The following S100A8 variants were observed in gnomAD, a reference collection of about 807,000 sequenced individuals.
S100A8 encodes S100 calcium binding protein A8, also known as protein S100-A8.
A neutral mutation model predicts 4.2 loss-of-function variants in S100A8; 1 was observed. The ratio of observed to expected loss-of-function variants is 0.24; its 90% CI spans 0.08 to 1.12. The LOEUF (loss-of-function observed/expected upper bound fraction) is 1.12. Ranked by LOEUF, S100A8 falls within the 50% of genes most tolerant of loss-of-function variation. The pLI is 0.53. For missense variants in S100A8, 96 were observed against 111.8 expected (o/e 0.86, Z 0.64); for synonymous variants, 41 against 44.7 (o/e 0.92, Z 0.33).
chr1:153,398,378 T>C, the S100A8 span, among the ~76,000 whole-genome samples: 2 of 144,890 alleles, frequency 1.4e-5, no homozygotes, highest in African/African-American at 2.5e-5. Flanking sequence ...CACCCCACCC[T>C]ACTCCCACCC....
At chr1:153,407,732 G>T in the S100A8 span, among the ~76,000 whole-genome samples, 4 of 152,216 alleles carry the variant, frequency 2.6e-5, no homozygotes, top group African/African-American at 9.6e-5. Flanking sequence ...GGGGCCAACT[G>T]ACACCTCATA....
the S100A8 span, chr1:153,416,489 C>A: frequency 3.1e-5 from 13 of 421,284 alleles, no homozygotes; most frequent in South Asian, 2.3e-4. Flanking sequence ...CCAGGCTGAG[C>A]CTTATAAAGG....
At chr1:153,404,863 A>G in the S100A8 span, among the ~76,000 whole-genome samples, 2 of 152,102 alleles carry the variant, frequency 1.3e-5, no homozygotes, top group Admixed American at 6.5e-5. Context: ...GGAACCACGA[A>G]GGACCCAGCC....
chr1:153,406,704 T>A, the S100A8 span, among the ~76,000 whole-genome samples: 1 of 152,016 alleles, frequency 6.6e-6, no homozygotes, highest in African/African-American at 2.4e-5. Context: ...CCCAAAACGA[T>A]AGAGGAGATG....
the S100A8 span, among the ~76,000 whole-genome samples, chr1:153,411,326 T>C: frequency 1.3e-5 from 2 of 152,208 alleles, no homozygotes; most frequent in African/African-American, 2.4e-5. Flanking sequence ...AGCATTCTTA[T>C]ACAACAATAA....
chr1:153,402,765 C>A, the S100A8 span, among the ~76,000 whole-genome samples: 2 of 152,042 alleles, frequency 1.3e-5, no homozygotes, highest in African/African-American at 4.8e-5. Context: ...TAGAAATTGA[C>A]AAGTTAACTG....
the S100A8 span, among the ~76,000 whole-genome samples, chr1:153,413,123 G>A: frequency 6.6e-6 from 1 of 152,060 alleles, no homozygotes; most frequent in African/African-American, 2.4e-5. Flanking sequence ...CCCTAGAACT[G>A]AAAGTATAAT....
chr1:153,390,323 A>AG, intron 2 of S100A8, 72 bp downstream of exon 2: 1 of 1,603,528 alleles, frequency 6.2e-7, no homozygotes, highest in South Asian at 1.1e-5. Context: ...GAAGGGTGGC[A>AG]GGGAGGACCG....
At chr1:153,403,838 G>A in the S100A8 span, among the ~76,000 whole-genome samples, 19 of 151,986 alleles carry the variant, frequency 1.3e-4, no homozygotes, top group African/African-American at 4.6e-4. Context: ...GAACACCATC[G>A]GGGTATCGTG....
the S100A8 span, chr1:153,419,324 G>T: frequency 1.4e-4 from 223 of 1,610,032 alleles, 6 homozygotes; most frequent in South Asian, 1.3e-3. Flanking sequence ...GCCCCACCAA[G>T]GGGCCTCCAG....
chr1:153,402,708 A>G, the S100A8 span, among the ~76,000 whole-genome samples: 1 of 152,222 alleles, frequency 6.6e-6, no homozygotes, highest in African/African-American at 2.4e-5. Context: ...AACGTAACCT[A>G]TAGATTCAGT....
chr1:153,393,324 A>G (rs1447001319), upstream of S100A8, among the ~76,000 whole-genome samples: 4 of 152,174 alleles, frequency 2.6e-5, no homozygotes, highest in African/African-American at 7.2e-5. Context: ...TTGCCCTGCT[A>G]TGTTATGATT....
the S100A8 span, among the ~76,000 whole-genome samples, chr1:153,410,048 C>T: frequency 6.6e-6 from 1 of 151,978 alleles, no homozygotes; most frequent in Non-Finnish European, 1.5e-5. Flanking sequence ...AAATTGACAC[C>T]CTAACATCAC....
At chr1:153,407,400 G>A in the S100A8 span, among the ~76,000 whole-genome samples, 7 of 152,288 alleles carry the variant, frequency 4.6e-5, no homozygotes, top group South Asian at 4.1e-4. Flanking sequence ...CAAACTGCAC[G>A]GCGGCAGTGA....
the S100A8 span, among the ~76,000 whole-genome samples, chr1:153,398,935 C>T: frequency 2.0e-5 from 3 of 152,216 alleles, no homozygotes; most frequent in Admixed American, 6.5e-5. Flanking sequence ...CCTACACCCG[C>T]CTTGGGCCAC....
chr1:153,396,005 G>A (rs549227273), upstream of S100A8, among the ~76,000 whole-genome samples: 199 of 152,358 alleles, frequency 1.3e-3, 1 homozygote, highest in African/African-American at 4.4e-3. Context: ...TACCACCTGT[G>A]TGGTGGGTGA....
At chr1:153,394,363 G>T (rs560432799), upstream of S100A8, among the ~76,000 whole-genome samples, 1 of 152,248 alleles carries the variant, frequency 6.6e-6, no homozygotes, top group East Asian at 1.9e-4. Flanking sequence ...TTCTCCCCTG[G>T]GCCTGCAAGA....
the S100A8 span, among the ~76,000 whole-genome samples, chr1:153,412,654 A>G: frequency 6.6e-6 from 1 of 152,360 alleles, no homozygotes; most frequent in African/African-American, 2.4e-5. Flanking sequence ...AAGGGATTAT[A>G]AATCATGCTG....
At chr1:153,403,717 T>C in the S100A8 span, among the ~76,000 whole-genome samples, 1 of 152,208 alleles carries the variant, frequency 6.6e-6, no homozygotes, top group Non-Finnish European at 1.5e-5. Flanking sequence ...AATAGCTACA[T>C]TATATGGAAT....
Sources: allele counts gnomAD v4.1 joint callset (sites outside exome capture counted in the v4.1 genomes callset), GRCh38; gene constraint gnomAD v4.1.1; transcripts MANE v1.5; gene names NCBI Gene and HGNC (gene_info 2026-07-23, HGNC 2026-07-21).